KCNA2: variants seen among roughly 807,000 people sequenced by gnomAD.
The protein encoded by KCNA2 is potassium channel, voltage gated shaker related subfamily A, member 2.
KCNA2 carries 11 observed loss-of-function variants against 33.4 expected under a neutral mutation model. The observed-to-expected ratio is 0.33, with a 90% CI of 0.21 to 0.55. The LOEUF is 0.55. KCNA2 is among the 20% of genes least tolerant of loss of function. The probability of loss-of-function intolerance (pLI) is 0.93; values close to 1 mark genes in which losing one functional copy is unlikely to be tolerated. For synonymous variants in KCNA2, 222 were observed against 231.3 expected, an observed-to-expected ratio of 0.96 and a Z score of 0.37; for missense variants, 291 against 621.6, an observed-to-expected ratio of 0.47 and a Z score of 5.66.
At chr1:110,611,621 G>C (rs1649875468) in intron 1 of KCNA2, among the ~76,000 whole-genome samples, 1 of 151,890 alleles carries the variant, frequency 6.6e-6, no homozygotes, top group Admixed American at 6.6e-5. Context: ...AGCTACTCGG[G>C]AGGCTAAGTT....
At chr1:110,613,323 C>T (rs1251070632) in intron 1 of KCNA2, among the ~76,000 whole-genome samples, 2 of 152,244 alleles carry the variant, frequency 1.3e-5, no homozygotes, top group African/African-American at 2.4e-5. Context: ...CATCTGCACG[C>T]AGTCTTCCAC....
Position 110,606,283 on chromosome 1 carries a change from G to C in KCNA2, c.-551C>G, listed in dbSNP as rs1205007143. On this transcript the variant is annotated 5_prime_UTR_variant, in exon 1 of 3. Coordinates refer to ENST00000316361, the MANE Select transcript of KCNA2 (RefSeq NM_004974.4). ...TCCCTCTGAGCCGGGTGGCATTTGA[G>C]CTGGGCAGGCGCTCGACCACTGATT... 3.9e-5 allele frequency: 6 copies of C among 152,554 alleles called. No homozygotes were observed. Among genetic ancestry groups the C allele is most frequent in the Non-Finnish European group, 7.3e-5 (5 of 68,340 alleles). The allele number at this position is 152,554 out of a possible 1,614,324, so 9.5% of individuals were successfully genotyped here. A position where few individuals can be genotyped will look rare whatever the true frequency, so the allele number is the denominator to read the frequency against.
In KCNA2 at chr1:110,604,785, T is replaced by C. The variant is rs749805707; in HGVS notation, c.-3A>G. 43 of 1,609,424 alleles carry C rather than the reference T, an allele frequency of 2.7e-5. No individual in the cohort carries two copies. The highest frequency in any genetic ancestry group is 1.7e-4 in the Middle Eastern group (1 of 6,022). ...GGGTCTCCGGTGGCCACTGTCATAATTGGGACTGAGAGAAGCACCTCACGC... is the reference window on the plus strand; with the variant it reads ...GGGTCTCCGGTGGCCACTGTCATAACTGGGACTGAGAGAAGCACCTCACGC... On this transcript the variant is annotated 5_prime_UTR_variant, in exon 3 of 3. Coordinates refer to ENST00000316361, the MANE Select transcript of KCNA2 (RefSeq NM_004974.4). The surrounding 1 kb of genome is among the most constrained non-coding windows in gnomAD (Gnocchi z 7.6).
chr1:110,604,895 G>T lies in KCNA2; in HGVS notation c.-113C>A. ...CACAGGAGCATTGGCCTGGTCTCCT[G>T]CAGGAGAGCCCCGAGAGCTCTCTGA... On this transcript the variant is annotated 5_prime_UTR_variant, in exon 3 of 3. Coordinates refer to ENST00000316361, the MANE Select transcript of KCNA2 (RefSeq NM_004974.4). The surrounding 1 kb of genome is among the most constrained non-coding windows in gnomAD (Gnocchi z 7.6). 2.0e-6 allele frequency: 2 copies of T among 1,004,080 alleles called. No individual in the cohort carries two copies. Among genetic ancestry groups the T allele is most frequent in the East Asian group, 2.4e-5 (1 of 41,538 alleles). 62.2% of individuals were successfully genotyped at this position (1,004,080 alleles called of 1,614,324 possible).
Position 110,602,059 on chromosome 1 carries a change from T to G in KCNA2, c.*1224A>C. Reference sequence around the variant, plus strand: ...CTGTCATCAGGACCAGATGCCCTGGTCCACTGTACAGTCATGCCCGCGACT... The same window carrying G: ...CTGTCATCAGGACCAGATGCCCTGGGCCACTGTACAGTCATGCCCGCGACT... On this transcript the variant is annotated 3_prime_UTR_variant, in exon 3 of 3. Coordinates refer to ENST00000316361, the MANE Select transcript of KCNA2 (RefSeq NM_004974.4). The G allele has an allele frequency of 1.9e-6, 3 of 1,550,516 alleles. No homozygotes were observed. Among genetic ancestry groups the G allele is most frequent in the Non-Finnish European group, 2.6e-6 (3 of 1,146,982 alleles).
rs1042326007 is a variant in KCNA2 at position 110,602,871 on chromosome 1, A to G, written c.*412T>C. ...ACCAGCTATTTAAAGCTAAGCCATG[A>G]TTGTGTTCCTCTGTGAAAGGGCAGG... is the stretch of plus-strand genomic sequence containing the variant. On this transcript the variant is annotated 3_prime_UTR_variant, in exon 3 of 3. Coordinates refer to ENST00000316361, the MANE Select transcript of KCNA2 (RefSeq NM_004974.4). 1.6e-5 allele frequency: 16 copies of G among 1,017,016 alleles called. No homozygotes were observed. Among genetic ancestry groups the G allele is most frequent in the Non-Finnish European group, 1.9e-5 (16 of 851,044 alleles). 63.0% of individuals were successfully genotyped at this position (1,017,016 alleles called of 1,614,324 possible). A position where few individuals can be genotyped will look rare whatever the true frequency, so the allele number is the denominator to read the frequency against.
Position 110,604,544 on chromosome 1 carries a change from C to T in KCNA2, c.239G>A (p.Arg80Gln), listed in dbSNP as rs1649513909. 7 of 1,614,144 alleles carry T rather than the reference C, an allele frequency of 4.3e-6. No homozygotes were observed. Among genetic ancestry groups the T allele is most frequent in the South Asian group, 1.1e-5 (1 of 91,082 alleles). ...DPLRNEYFFD[R>Q]NRPSFDAILY... is the part of the protein sequence containing the mutation. ...AATGGCATCAAAGCTAGGGCGGTTCCGATCGAAAAAGTACTCATTTCGGAG... is the reference window on the plus strand; with the variant it reads ...AATGGCATCAAAGCTAGGGCGGTTCTGATCGAAAAAGTACTCATTTCGGAG... The change falls in exon 3 of 3, where the codon CGG (arginine) becomes CAG (glutamine). Residue 80 changes from arginine to glutamine, a missense_variant. Transcript: ENST00000316361. This position sits in a 1 kb window ranked among gnomAD's most constrained non-coding sequence, Gnocchi z 7.6.
At chr1:110,625,185 A>C (rs1650359542) in intron 1 of KCNA2, among the ~76,000 whole-genome samples, 1 of 152,212 alleles carries the variant, frequency 6.6e-6, no homozygotes, top group South Asian at 2.1e-4. Flanking sequence ...TTCCCAGAGC[A>C]GTGTAAATAC....
At chr1:110,620,143 C>T (rs1650215975) in intron 1 of KCNA2, among the ~76,000 whole-genome samples, 1 of 150,756 alleles carries the variant, frequency 6.6e-6, no homozygotes, top group Non-Finnish European at 1.5e-5. Context: ...GCCCCCAGAC[C>T]AAATTGGATA....
At chr1:110,620,089 TGA>T (rs1491246683) in intron 1 of KCNA2, among the ~76,000 whole-genome samples, 4 of 100,884 alleles carry the variant, frequency 4.0e-5, no homozygotes, top group African/African-American at 1.3e-4. Context: ...AGAGAGAGAG[TGA>T]GTGAGAGAGA....
rs1019454271 is a variant in KCNA2 at position 110,622,760 on chromosome 1, G to A, written c.-496+8635C>T. Among the ~76,000 whole-genome samples, 4 of 152,014 alleles carry A rather than the reference G, an allele frequency of 2.6e-5. No individual in the cohort carries two copies. In the South Asian group the frequency reaches 8.3e-4, roughly 31 times the overall value. ...ATAGCATTAAAATATAAGATACTTA[G>A]GGACAAATCTGAGAAAGGATGTGAA... On this transcript the variant is annotated intron_variant, in intron 1 of 4. Transcript: ENST00000369770.
At chr1:110,609,180 G>A (rs959691696), upstream of KCNA2, among the ~76,000 whole-genome samples, 1 of 152,184 alleles carries the variant, frequency 6.6e-6, no homozygotes, top group Admixed American at 6.5e-5. Flanking sequence ...GGGTTCTCGT[G>A]TCATTTAAAG....
Position 110,619,955 on chromosome 1 carries a change from C to T in KCNA2, c.-496+11440G>A, listed in dbSNP as rs563112433. 4.6e-5 allele frequency among the ~76,000 whole-genome samples: 7 copies of T among 152,128 alleles called. No homozygotes were observed. The South Asian group carries it at 1.5e-3, about 32-fold the overall frequency. ...AAGCCGACTTAACGTCCTAGGAGAC[C>T]ACCTCTCCCTGTTCACGTGCCCTGT... On this transcript the variant is annotated intron_variant, in intron 1 of 4. Coordinates refer to the KCNA2 transcript ENST00000369770.
rs1307879328 is a variant in KCNA2 at position 110,600,438 on chromosome 1, G to A, written c.*2845C>T. On this transcript the variant is annotated 3_prime_UTR_variant, in exon 3 of 3. Coordinates refer to ENST00000316361, the MANE Select transcript of KCNA2 (RefSeq NM_004974.4). ...TGGTGTATGTTTGTCTTTTGTGTAT[G>A]TTCTGTGTAAATTCTATATCTGTGC... The A allele has an allele frequency of 1.0e-6, 1 of 984,772 alleles. No homozygotes were observed. Among genetic ancestry groups the A allele is most frequent in the Non-Finnish European group, 1.2e-6 (1 of 829,812 alleles). 61.0% of individuals were successfully genotyped at this position (984,772 alleles called of 1,614,324 possible). A position where few individuals can be genotyped will look rare whatever the true frequency, so the allele number is the denominator to read the frequency against.
chr1:110,613,014 G>T (rs961885169), intron 1 of KCNA2, among the ~76,000 whole-genome samples: 3 of 152,194 alleles, frequency 2.0e-5, no homozygotes, highest in Non-Finnish European at 2.9e-5. Flanking sequence ...AATGCCCAAT[G>T]CTTGCTCTGA....
chr1:110,629,982 T>G (rs1185478074), intron 1 of KCNA2, among the ~76,000 whole-genome samples: 2 of 151,080 alleles, frequency 1.3e-5, no homozygotes, highest in South Asian at 4.2e-4. Flanking sequence ...GACTCAAAAG[T>G]GAGTTAACAT....
upstream of KCNA2, among the ~76,000 whole-genome samples, chr1:110,609,794 A>G (rs1316087658): frequency 6.6e-6 from 1 of 152,224 alleles, no homozygotes; most frequent in Non-Finnish European, 1.5e-5. Flanking sequence ...AGTGTCTGTC[A>G]GTACCTTGGT....
chr1:110,593,813 C>T lies in KCNA2; in HGVS notation c.*9470G>A, dbSNP rs957561310. On this transcript the variant is annotated 3_prime_UTR_variant, in exon 3 of 3. Coordinates refer to ENST00000316361, the MANE Select transcript of KCNA2 (RefSeq NM_004974.4). ...ATATCAGACCCTACTGACACAGGAA[C>T]TCTCAGCTGCAGAAGTCCTGGGTGG... The T allele has an allele frequency of 1.8e-5, 28 of 1,528,006 alleles. No individual in the cohort carries two copies. The highest frequency in any genetic ancestry group is 2.4e-5 in the South Asian group (2 of 82,020). 94.7% of individuals were successfully genotyped at this position (1,528,006 alleles called of 1,614,324 possible).
chr1:110,616,867 A>T (rs1650083499), intron 1 of KCNA2, among the ~76,000 whole-genome samples: 2 of 152,248 alleles, frequency 1.3e-5, no homozygotes, highest in Non-Finnish European at 2.9e-5. Flanking sequence ...CCCTAGAAGG[A>T]TGGATAAGGA....
Sources: allele counts gnomAD v4.1 joint callset (sites outside exome capture counted in the v4.1 genomes callset), GRCh38; gene constraint gnomAD v4.1.1; non-coding constraint Gnocchi (gnomAD v3.1); transcripts MANE v1.5; gene names NCBI Gene and HGNC (gene_info 2026-07-23, HGNC 2026-07-21).